ESR1: variants seen among roughly 807,000 people sequenced by gnomAD.
The protein encoded by ESR1 is estrogen receptor 1.
ESR1 carries 12 observed loss-of-function variants against 52.7 expected under a neutral mutation model. The ratio of observed to expected loss-of-function variants is 0.23; its 90% confidence interval spans 0.15 to 0.37. The LOEUF (loss-of-function observed/expected upper bound fraction) is 0.37, where lower values mean the gene tolerates loss of function less well. Ranked by LOEUF, ESR1 falls within the 10% of genes least tolerant of loss-of-function variation. The pLI is 1.00. For missense variants in ESR1, 584 were observed against 779.7 expected, an observed-to-expected ratio of 0.75 and a Z score of 2.99; for synonymous variants, 305 against 316.8, an observed-to-expected ratio of 0.96 and a Z score of 0.39.
intron 3 of ESR1, among the ~76,000 whole-genome samples, chr6:151,938,928 G>C (rs2128506706): frequency 6.6e-6 from 1 of 152,264 alleles, no homozygotes; most frequent in African/African-American, 2.4e-5. Flanking sequence ...AAACAGGTGG[G>C]TCTTGTTAGA....
chr6:151,680,654 G>A (rs1778424130), intron 1 of ESR1, among the ~76,000 whole-genome samples: 1 of 152,078 alleles, frequency 6.6e-6, no homozygotes, highest in African/African-American at 2.4e-5. Context: ...TCATATTGGG[G>A]GTTTGGATTT....
At chr6:151,944,131 G>C (rs1279048926) in intron 3 of ESR1, 42 bp from the exon 4 acceptor site, 1 of 1,558,752 alleles carries the variant, frequency 6.4e-7, no homozygotes, top group Non-Finnish European at 8.8e-7. Flanking sequence ...AGTTTACACG[G>C]GAAAAAAATA....
intron 1 of ESR1, chr6:151,814,126 C>G (rs563456229): frequency 6.6e-6 from 1 of 152,274 alleles, no homozygotes. Flanking sequence ...TTGTGCTTAC[C>G]TGGCACTACT....
rs560310466 is a variant in ESR1, at chr6:151,683,977, G to C, written n.74-17898G>C. 2.0e-5 allele frequency among the ~76,000 whole-genome samples: 3 copies of C among 151,034 alleles called. No individual in the cohort carries two copies. The East Asian group carries it at 5.9e-4, about 29-fold the overall frequency. ...TCAGCCCACCCCTGCCTCAAAAAGT[G>C]CTGGGATTACAGGCGTGAGCCACCA... is the stretch of plus-strand genomic sequence containing the variant. On this transcript the variant is annotated intron_variant and non_coding_transcript_variant, in intron 1 of 2. Coordinates refer to the ESR1 transcript ENST00000473497.
intron 1 of ESR1, among the ~76,000 whole-genome samples, chr6:151,837,212 G>A (rs1490024612): frequency 6.9e-6 from 1 of 145,346 alleles, no homozygotes; most frequent in East Asian, 2.0e-4. Flanking sequence ...GCAATTCTCT[G>A]CCTCAGCCTC....
At chr6:151,897,656 G>T (rs1358793921) in intron 3 of ESR1, among the ~76,000 whole-genome samples, 1 of 152,184 alleles carries the variant, frequency 6.6e-6, no homozygotes, top group South Asian at 2.1e-4. Flanking sequence ...TATCTTTTAA[G>T]TGGAGCATTT....
At chr6:151,849,375 G>A (rs542296107) in intron 2 of ESR1, among the ~76,000 whole-genome samples, 1 of 152,278 alleles carries the variant, frequency 6.6e-6, no homozygotes, top group Admixed American at 6.5e-5. Context: ...GCCGGATGTG[G>A]TGGCTCATGC....
chr6:152,008,380 G>A (rs1027185031), intron 4 of ESR1, among the ~76,000 whole-genome samples: 4 of 152,024 alleles, frequency 2.6e-5, no homozygotes, highest in Non-Finnish European at 5.9e-5. Flanking sequence ...CGGAAGGATC[G>A]AGCAATCCGG....
At chr6:151,990,436 A>C (rs1211492374) in intron 4 of ESR1, among the ~76,000 whole-genome samples, 1 of 152,062 alleles carries the variant, frequency 6.6e-6, no homozygotes, top group Non-Finnish European at 1.5e-5. Flanking sequence ...GATGCAGGGA[A>C]CCAATCTCCT....
At chr6:151,916,896 AT>A (rs1211127870) in intron 3 of ESR1, among the ~76,000 whole-genome samples, 2 of 152,216 alleles carry the variant, frequency 1.3e-5, no homozygotes, top group Non-Finnish European at 2.9e-5. Flanking sequence ...CTTTATGAAA[AT>A]GAATATCCCT....
intron 4 of ESR1, among the ~76,000 whole-genome samples, chr6:151,975,927 C>T (rs759237458): frequency 5.3e-5 from 8 of 152,118 alleles, no homozygotes; most frequent in Non-Finnish European, 1.0e-4. Context: ...AAGGAGCCTC[C>T]CCTTAACTGG....
intron 2 of ESR1, among the ~76,000 whole-genome samples, chr6:151,852,439 C>T (rs1562477869): frequency 6.6e-6 from 1 of 152,094 alleles, no homozygotes; most frequent in Non-Finnish European, 1.5e-5. Flanking sequence ...GTAAGAAACA[C>T]TCTTATTATA....
Position 152,094,288 on chromosome 6 carries a change from G to T in ESR1, c.1370-97G>T, listed in dbSNP as rs1310483960. 3 of 1,008,360 alleles carry T rather than the reference G, an allele frequency of 3.0e-6. No homozygotes were observed. The highest frequency in any genetic ancestry group is 4.8e-6 in the Non-Finnish European group (3 of 629,514). The allele number at this position is 1,008,360 out of a possible 1,614,324, so 62.5% of individuals were successfully genotyped here. On this transcript the variant is annotated intron_variant, in intron 6 of 7. Transcript: ENST00000206249. This position sits in a 1 kb window ranked among gnomAD's most constrained non-coding sequence, Gnocchi z 4.6. ...ATTGCTAGACTACTGTGCTGAGGAAGGGCACTGGCTCATTGTTACATCCCA... is the reference window on the plus strand; with the variant it reads ...ATTGCTAGACTACTGTGCTGAGGAATGGCACTGGCTCATTGTTACATCCCA...
chr6:151,863,604 CTTCCTCT>C (rs1789289232), intron 2 of ESR1, among the ~76,000 whole-genome samples: 1 of 152,134 alleles, frequency 6.6e-6, no homozygotes, highest in South Asian at 2.1e-4. Context: ...GACAATTTGA[CTTCCTCT>C]TTTGCTAATT....
At chr6:151,958,757 TG>T (rs1467804384) in intron 4 of ESR1, among the ~76,000 whole-genome samples, 2 of 152,232 alleles carry the variant, frequency 1.3e-5, no homozygotes, top group Non-Finnish European at 2.9e-5. Flanking sequence ...GAGAACAACG[TG>T]GTTTTGAGTA....
At chr6:151,897,171 T>A (rs915488361) in intron 3 of ESR1, among the ~76,000 whole-genome samples, 6 of 152,214 alleles carry the variant, frequency 3.9e-5, no homozygotes, top group African/African-American at 1.4e-4. Flanking sequence ...TTGGGTAGAA[T>A]GTTATGTAAA....
At chr6:151,926,934 A>T (rs559658447) in intron 3 of ESR1, among the ~76,000 whole-genome samples, 1 of 152,124 alleles carries the variant, frequency 6.6e-6, no homozygotes, top group Non-Finnish European at 1.5e-5. Flanking sequence ...CCTCATCTTC[A>T]GGGGAAAGTG....
chr6:151,696,056 T>A (rs1006173884), intron 1 of ESR1, among the ~76,000 whole-genome samples: 27 of 152,350 alleles, frequency 1.8e-4, no homozygotes, highest in African/African-American at 6.3e-4. Context: ...ATGCATAGTT[T>A]AATTTAACTC....
intron 5 of ESR1, among the ~76,000 whole-genome samples, chr6:152,043,821 C>A (rs971250041): frequency 1.3e-5 from 2 of 152,168 alleles, no homozygotes; most frequent in African/African-American, 4.8e-5. Flanking sequence ...GGGTACCATT[C>A]TTTTTCAATC....
Sources: gnomAD v4.1 joint callset for allele counts (sites outside exome capture counted in the v4.1 genomes callset) on GRCh38, gnomAD v4.1.1 for gene constraint, Gnocchi (gnomAD v3.1) non-coding constraint, MANE v1.5 for transcripts, NCBI Gene and HGNC (gene_info 2026-07-23, HGNC 2026-07-21) for gene names.